The following GRIN2B variants were observed in gnomAD, a reference collection of about 807,000 sequenced individuals.
The protein encoded by GRIN2B is glutamate receptor ionotropic, NMDA 2B.
GRIN2B carries 5 observed loss-of-function variants against 114.5 expected under a neutral mutation model. That is an observed-to-expected ratio of 0.04 (90% CI 0.02 to 0.09). The LOEUF is 0.09. GRIN2B is among the 10% of genes least tolerant of loss of function. The pLI is 1.00. For missense variants in GRIN2B, 1,108 were observed against 1,943.5 expected, an observed-to-expected ratio of 0.57 and a Z score of 8.08; for synonymous variants, 787 against 745.1, an observed-to-expected ratio of 1.06 and a Z score of -0.92.
At chr12:13,834,747 A>G (rs1341017259) in intron 3 of GRIN2B, among the ~76,000 whole-genome samples, 2 of 152,188 alleles carry the variant, frequency 1.3e-5, no homozygotes, top group African/African-American at 4.8e-5. Context: ...ATAGCCAAAC[A>G]TTTGGAAGCC....
chr12:13,755,766 C>G (rs939110207), intron 3 of GRIN2B, among the ~76,000 whole-genome samples: 2 of 152,210 alleles, frequency 1.3e-5, no homozygotes, highest in Non-Finnish European at 2.9e-5. Context: ...GCATCCTCCT[C>G]AAATTCATAC....
intron 5 of GRIN2B, among the ~76,000 whole-genome samples, chr12:13,646,181 C>G (rs1398452052): frequency 1.3e-5 from 2 of 152,098 alleles, no homozygotes; most frequent in Non-Finnish European, 2.9e-5. Flanking sequence ...AAAAGTAATT[C>G]AAAGACATAT....
intron 2 of GRIN2B, among the ~76,000 whole-genome samples, chr12:13,943,879 C>T (rs148349586): frequency 1.3e-5 from 2 of 152,240 alleles, no homozygotes; most frequent in African/African-American, 2.4e-5. Context: ...TTTCCCATTA[C>T]GATGAAAGCT....
chr12:13,938,512 T>C (rs1045359379), intron 2 of GRIN2B, among the ~76,000 whole-genome samples: 1 of 152,136 alleles, frequency 6.6e-6, no homozygotes, highest in Admixed American at 6.5e-5. Context: ...TGTCCATAAA[T>C]AGTAAACAAA....
At chr12:13,573,685 G>A (rs1948736436) in intron 10 of GRIN2B, among the ~76,000 whole-genome samples, 1 of 152,154 alleles carries the variant, frequency 6.6e-6, no homozygotes, top group Non-Finnish European at 1.5e-5. Flanking sequence ...ATTTACTTTG[G>A]AGAAACATTT....
chr12:13,877,708 T>C (rs566901586), intron 2 of GRIN2B, among the ~76,000 whole-genome samples: 3 of 152,206 alleles, frequency 2.0e-5, no homozygotes, highest in African/African-American at 7.2e-5. Flanking sequence ...AATGAACTGG[T>C]TCTTGAAGTC....
At chr12:13,724,544 T>C (rs974477646) in intron 4 of GRIN2B, among the ~76,000 whole-genome samples, 6 of 152,026 alleles carry the variant, frequency 3.9e-5, no homozygotes, top group Non-Finnish European at 8.8e-5. Context: ...TGGCAAAATA[T>C]TGAAAAAGAG....
chr12:13,942,756 C>T (rs1025907909), intron 2 of GRIN2B, among the ~76,000 whole-genome samples: 1 of 152,108 alleles, frequency 6.6e-6, no homozygotes, highest in Non-Finnish European at 1.5e-5. Flanking sequence ...CAGTATCTTT[C>T]AGTAGAGACA....
intron 3 of GRIN2B, among the ~76,000 whole-genome samples, chr12:13,851,390 A>G (rs1026364770): frequency 6.6e-6 from 1 of 152,080 alleles, no homozygotes; most frequent in Admixed American, 6.6e-5. Flanking sequence ...CATTCACTCA[A>G]TGACATTGCA....
chr12:13,616,104 C>CA (rs1319219736), intron 6 of GRIN2B, among the ~76,000 whole-genome samples: 3 of 151,954 alleles, frequency 2.0e-5, no homozygotes, highest in Admixed American at 6.5e-5. Context: ...TTATATTTTT[C>CA]AAAAAATGGT....
At chr12:13,814,290 G>A (rs1864780720) in intron 3 of GRIN2B, among the ~76,000 whole-genome samples, 1 of 152,240 alleles carries the variant, frequency 6.6e-6, no homozygotes, top group Non-Finnish European at 1.5e-5. Context: ...ACCACGAAGA[G>A]AGCGAAGAGC....
intron 3 of GRIN2B, among the ~76,000 whole-genome samples, chr12:13,764,784 GA>G (rs1863748238): frequency 6.6e-6 from 1 of 152,232 alleles, no homozygotes; most frequent in African/African-American, 2.4e-5. Flanking sequence ...TGACAAGCAA[GA>G]AAGAGGTCCT....
chr12:13,779,095 C>T (rs1391224087), intron 3 of GRIN2B, among the ~76,000 whole-genome samples: 2 of 152,204 alleles, frequency 1.3e-5, no homozygotes, highest in African/African-American at 4.8e-5. Context: ...GTCACCCAGG[C>T]TGGAGTGCAG....
intron 3 of GRIN2B, among the ~76,000 whole-genome samples, chr12:13,838,595 C>T (rs1423641399): frequency 3.3e-5 from 5 of 152,122 alleles, no homozygotes; most frequent in Non-Finnish European, 7.4e-5. Context: ...CTTTTCTCCC[C>T]ACCACCCCCC....
intron 4 of GRIN2B, among the ~76,000 whole-genome samples, chr12:13,750,000 C>T (rs1424880795): frequency 2.0e-5 from 3 of 152,130 alleles, no homozygotes; most frequent in Admixed American, 6.5e-5. Flanking sequence ...GTCCAGCGGG[C>T]AGGCAGGTGC....
chr12:13,980,532 T>A (rs1441991376), intron 1 of GRIN2B, among the ~76,000 whole-genome samples, 176 bp from the exon 2 acceptor site: 1 of 151,900 alleles, frequency 6.6e-6, no homozygotes, highest in Admixed American at 6.6e-5. Context: ...CTATAAATAA[T>A]TCAGAAAAGG....
chr12:13,696,395 C>G (rs987419224), intron 4 of GRIN2B, among the ~76,000 whole-genome samples: 6 of 152,118 alleles, frequency 3.9e-5, no homozygotes, highest in African/African-American at 1.4e-4. Flanking sequence ...TCAAAATCAC[C>G]AACATCTCTT....
At chr12:13,574,966 G>T (rs1948755338) in intron 10 of GRIN2B, among the ~76,000 whole-genome samples, 1 of 152,158 alleles carries the variant, frequency 6.6e-6, no homozygotes, top group Non-Finnish European at 1.5e-5. Context: ...AGATAGGATG[G>T]CCTTTAACAA....
chr12:13,889,650 A>C (rs1866225781), intron 2 of GRIN2B, among the ~76,000 whole-genome samples: 1 of 152,162 alleles, frequency 6.6e-6, no homozygotes, highest in Non-Finnish European at 1.5e-5. Context: ...ACTGTAGTAA[A>C]ATATTTCTGT....
Sources: allele counts gnomAD v4.1 joint callset (sites outside exome capture counted in the v4.1 genomes callset), GRCh38; gene constraint gnomAD v4.1.1; transcripts MANE v1.5; gene names NCBI Gene and HGNC (gene_info 2026-07-23, HGNC 2026-07-21).